CACNG2: variants seen among roughly 807,000 people sequenced by gnomAD.
The protein encoded by CACNG2 is calcium voltage-gated channel auxiliary subunit gamma 2, also known as voltage-dependent calcium channel gamma-2 subunit.
Under a neutral mutation model 25.9 loss-of-function variants are expected in CACNG2, and 3 were observed. The ratio of observed to expected loss-of-function variants is 0.12; its 90% CI spans 0.05 to 0.30. The LOEUF (loss-of-function observed/expected upper bound fraction) is 0.30. CACNG2 is among the 10% of genes least tolerant of loss of function. The pLI, the probability that CACNG2 is intolerant of heterozygous loss-of-function variation, is 1.00. For synonymous variants in CACNG2, 167 were observed against 173.3 expected (o/e 0.96, Z 0.29); for missense variants, 341 against 432.5 (o/e 0.79, Z 1.88).
chr22:36,597,186 C>T (rs116175141), intron 1 of CACNG2, among the ~76,000 whole-genome samples: 4 of 152,172 alleles, frequency 2.6e-5, no homozygotes, highest in South Asian at 2.1e-4. Context: ...TCACTCCTGG[C>T]GAATTTTTTG....
chr22:36,673,269 A>G (rs773561828), intron 1 of CACNG2, among the ~76,000 whole-genome samples: 1 of 152,064 alleles, frequency 6.6e-6, no homozygotes, highest in Non-Finnish European at 1.5e-5. Flanking sequence ...GAAGGAATGA[A>G]TCTCCCAGAA....
At chr22:36,615,342 G>A (rs1031563524) in intron 1 of CACNG2, among the ~76,000 whole-genome samples, 8 of 152,140 alleles carry the variant, frequency 5.3e-5, no homozygotes, top group African/African-American at 1.9e-4. Context: ...CACCTGCAGG[G>A]CCCTTCTTGG....
At position 36,606,195 on chromosome 22, in the gene CACNG2, TC is replaced by T. The variant is rs1348627024; in HGVS notation, c.212-18648del. On this transcript the variant is annotated intron_variant, in intron 1 of 3. Transcript: ENST00000300105. The surrounding 1 kb of genome is among the most constrained non-coding windows in gnomAD (Gnocchi z 5.7). ...GGGATCAATACAGACGGATTCCCCG[TC>T]CCCCAGAGCTGAGTCTTGAGAGGAC... Among the ~76,000 whole-genome samples the T allele has an allele frequency of 1.3e-5, 2 of 152,110 alleles. No homozygotes were observed. Among genetic ancestry groups the T allele is most frequent in the Non-Finnish European group, 2.9e-5 (2 of 68,024 alleles).
chr22:36,629,433 A>C (rs946169183), intron 1 of CACNG2, among the ~76,000 whole-genome samples: 13 of 152,254 alleles, frequency 8.5e-5, no homozygotes, highest in Middle Eastern at 3.4e-3. Context: ...AAAGTGTTAC[A>C]TACAGTGAGC....
intron 1 of CACNG2, among the ~76,000 whole-genome samples, chr22:36,700,312 C>T (rs1465561043): frequency 1.3e-5 from 2 of 152,182 alleles, no homozygotes; most frequent in East Asian, 1.9e-4. Context: ...TTTTAATGCA[C>T]GAGTGATACA....
intron 1 of CACNG2, among the ~76,000 whole-genome samples, chr22:36,630,601 G>C (rs1603502086): frequency 6.6e-6 from 1 of 152,130 alleles, no homozygotes; most frequent in Non-Finnish European, 1.5e-5. Flanking sequence ...CCCTGAGAGA[G>C]CTGAACCCAA....
chr22:36,679,173 CCTTCCTTCCTTCCTTCCTTCCTTCCTTT>C (rs1227630471), intron 1 of CACNG2, among the ~76,000 whole-genome samples: 101 of 123,728 alleles, frequency 8.2e-4, no homozygotes, highest in South Asian at 1.6e-3. Context: ...TTCCTTCCTT[CCTTCCTTCCTTCCTTCCTTCCTTCCTTT>C]CTTTCTTTCT....
At position 36,564,557 on chromosome 22, in the gene CACNG2, C is replaced by G; in HGVS notation, c.766G>C (p.Gly256Arg). The change falls in exon 4 of 4, where the codon GGC (glycine) becomes CGC (arginine). Residue 256 changes from glycine to arginine, a missense_variant. Gly to Arg is a moderately radical substitution (Grantham distance 125). Transcript: ENST00000300105. The surrounding 1 kb of genome is among the most constrained non-coding windows in gnomAD (Gnocchi z 6.7). Reference protein sequence around the residue: ...PSHSRDASPVGIKGFNTLPST... With the variant: ...PSHSRDASPVRIKGFNTLPST... Reference sequence around the variant, plus strand: ...GGCAGGGTGTTGAAGCCCTTGATGCCCACGGGGGAGGCGTCCCTGGAGTGT... The same window carrying G: ...GGCAGGGTGTTGAAGCCCTTGATGCGCACGGGGGAGGCGTCCCTGGAGTGT... 1 of 1,614,042 alleles carries G rather than the reference C, an allele frequency of 6.2e-7. No individual in the cohort carries two copies. Among genetic ancestry groups the G allele is most frequent in the Non-Finnish European group, 8.5e-7 (1 of 1,179,976 alleles).
chr22:36,648,211 T>C (rs1441803414), intron 1 of CACNG2, among the ~76,000 whole-genome samples: 1 of 152,208 alleles, frequency 6.6e-6, no homozygotes, highest in Non-Finnish European at 1.5e-5. Context: ...CCAGTATAAA[T>C]TCAGCTCTTT....
chr22:36,677,307 C>A (rs1937033372), intron 1 of CACNG2, among the ~76,000 whole-genome samples: 1 of 152,286 alleles, frequency 6.6e-6, no homozygotes, highest in East Asian at 1.9e-4. Flanking sequence ...TTATCCCCAT[C>A]ATTCCAAAAT....
chr22:36,566,584 C>T lies in CACNG2; in HGVS notation c.296-91G>A. On this transcript the variant is annotated intron_variant, in intron 2 of 3. Transcript: ENST00000300105. ...CAGGTGGGAGAGCAGCCCCGAGGCG[C>T]TGGGGGTTTATGGACACAGCCTTAG... 3.6e-6 allele frequency: 5 copies of T among 1,405,134 alleles called. No individual in the cohort carries two copies. In the South Asian group the frequency reaches 4.6e-5, roughly 13 times the overall value. 87.0% of individuals were successfully genotyped at this position (1,405,134 alleles called of 1,614,324 possible).
intron 1 of CACNG2, among the ~76,000 whole-genome samples, chr22:36,597,535 A>G (rs1935695486): frequency 6.6e-6 from 1 of 152,230 alleles, no homozygotes; most frequent in Non-Finnish European, 1.5e-5. Context: ...CGATGAAATA[A>G]CAGAAGTGAA....
At chr22:36,566,629 T>A in intron 2 of CACNG2, 136 bp from the exon 3 acceptor site, 3 of 952,576 alleles carry the variant, frequency 3.1e-6, no homozygotes, top group Non-Finnish European at 4.9e-6. Context: ...TGCTTTGCAA[T>A]CCTAGGGAGG....
chr22:36,663,424 A>T (rs1936828556), intron 1 of CACNG2, among the ~76,000 whole-genome samples: 1 of 152,228 alleles, frequency 6.6e-6, no homozygotes, highest in Non-Finnish European at 1.5e-5. Context: ...CAAGCAAGCA[A>T]TAAAATGACA....
chr22:36,580,362 C>T (rs984475117), intron 2 of CACNG2, among the ~76,000 whole-genome samples: 35 of 152,252 alleles, frequency 2.3e-4, no homozygotes, highest in Non-Finnish European at 1.8e-4. Flanking sequence ...TGCCTGTCAT[C>T]GTCCTCAGGT....
intron 1 of CACNG2, among the ~76,000 whole-genome samples, chr22:36,671,822 C>T (rs1421080791): frequency 2.0e-5 from 3 of 152,112 alleles, no homozygotes; most frequent in Non-Finnish European, 4.4e-5. Flanking sequence ...TTTCAGGCAA[C>T]CCAAAATTTG....
chr22:36,634,637 A>G (rs773841694), intron 1 of CACNG2, among the ~76,000 whole-genome samples: 2 of 152,202 alleles, frequency 1.3e-5, no homozygotes, highest in African/African-American at 2.4e-5. Context: ...CAGGTCTGGT[A>G]TATAGCAGGG....
chr22:36,620,418 G>A (rs1936089066), intron 1 of CACNG2, among the ~76,000 whole-genome samples: 1 of 152,208 alleles, frequency 6.6e-6, no homozygotes, highest in African/African-American at 2.4e-5. Flanking sequence ...TCACATGGAT[G>A]CATTTGGAGA....
At chr22:36,662,324 G>A (rs969197317) in intron 1 of CACNG2, among the ~76,000 whole-genome samples, 1 of 152,120 alleles carries the variant, frequency 6.6e-6, no homozygotes, top group Non-Finnish European at 1.5e-5. Flanking sequence ...CGGTTACAGC[G>A]ATCACATCCT....
Sources: allele counts gnomAD v4.1 joint callset (sites outside exome capture counted in the v4.1 genomes callset), GRCh38; gene constraint gnomAD v4.1.1; non-coding constraint Gnocchi (gnomAD v3.1); transcripts MANE v1.5; gene names NCBI Gene and HGNC (gene_info 2026-07-23, HGNC 2026-07-21).